COP1: variants seen among roughly 807,000 people sequenced by gnomAD.
The protein encoded by COP1 is E3 ubiquitin-protein ligase COP1.
COP1 carries 24 observed loss-of-function variants against 101.3 expected under a neutral mutation model. The ratio of observed to expected loss-of-function variants is 0.24; its 90% CI spans 0.17 to 0.33. COP1 has a LOEUF of 0.33. COP1 is among the 10% of genes least tolerant of loss of function. The pLI is 1.00. For synonymous variants in COP1, 347 were observed against 341.9 expected, an observed-to-expected ratio of 1.01 and a Z score of -0.17; for missense variants, 663 against 906.2, an observed-to-expected ratio of 0.73 and a Z score of 3.45.
intron 9 of COP1, among the ~76,000 whole-genome samples, chr1:176,115,070 G>C (rs946286034): frequency 2.0e-5 from 3 of 152,198 alleles, no homozygotes; most frequent in African/African-American, 7.2e-5. Flanking sequence ...TAAGTGCTTA[G>C]ACAATCTGGA....
rs990471726 is a variant in COP1 at position 176,206,925 on chromosome 1, G to C, written c.54C>G (p.Ser18=). 6.2e-6 allele frequency: 9 copies of C among 1,462,714 alleles called. No individual in the cohort carries two copies. The African/African-American group carries it at 1.2e-4, about 19-fold the overall frequency. The allele number at this position is 1,462,714 out of a possible 1,614,324, so 90.6% of individuals were successfully genotyped here. Residue 18 remains serine, a synonymous_variant, in exon 1 of 20, where the codon TCC becomes TCG. Transcript: ENST00000367669. The part of the protein sequence containing the change: ...GSGSAGTSPG[S]SAASSVTSAS... ...CGGAAGTCACCGAGGAGGCCGCCGAGGACCCGGGGCTTGTCCCAGCGGAGC... is the reference window on the plus strand; with the variant it reads ...CGGAAGTCACCGAGGAGGCCGCCGACGACCCGGGGCTTGTCCCAGCGGAGC...
chr1:176,086,318 C>A (rs977886491), intron 9 of COP1, among the ~76,000 whole-genome samples: 1 of 151,604 alleles, frequency 6.6e-6, no homozygotes, highest in Non-Finnish European at 1.5e-5. Context: ...CTCTACCTCC[C>A]AGTTTCTCGA....
rs571956266 is a variant in COP1 at position 176,207,101 on chromosome 1, C to G, written c.-123G>C. 6 of 756,096 alleles carry G rather than the reference C, an allele frequency of 7.9e-6. No homozygotes were observed. The South Asian group carries it at 1.2e-4, about 15-fold the overall frequency. The allele number at this position is 756,096 out of a possible 1,614,324, so 46.8% of individuals were successfully genotyped here. A position where few individuals can be genotyped will look rare whatever the true frequency, so the allele number is the denominator to read the frequency against. On this transcript the variant is annotated 5_prime_UTR_variant, in exon 1 of 20. Coordinates refer to ENST00000367669, the MANE Select transcript of COP1 (RefSeq NM_022457.7). Reference sequence around the variant, plus strand: ...GACGCCCGCCGAGCCGGAGGTGGGGCTGAGGAACAATAAAGTTGCGTTTTT... The same window carrying G: ...GACGCCCGCCGAGCCGGAGGTGGGGGTGAGGAACAATAAAGTTGCGTTTTT...
chr1:176,170,577 A>G (rs1177437855), intron 3 of COP1, among the ~76,000 whole-genome samples: 3 of 152,204 alleles, frequency 2.0e-5, no homozygotes, highest in Admixed American at 6.5e-5. Flanking sequence ...GTCTTACGAT[A>G]TTCAGTAAAT....
At chr1:176,147,656 G>A (rs1464017001) in intron 6 of COP1, among the ~76,000 whole-genome samples, 4 of 152,044 alleles carry the variant, frequency 2.6e-5, no homozygotes, top group Non-Finnish European at 4.4e-5. Context: ...AAAGTTCTAC[G>A]GCATGATTCA....
intron 14 of COP1, among the ~76,000 whole-genome samples, chr1:176,031,946 T>C (rs1037908113): frequency 1.3e-5 from 2 of 152,216 alleles, no homozygotes; most frequent in African/African-American, 4.8e-5. Flanking sequence ...ATTGCTTATC[T>C]ATAATAACAT....
chr1:176,019,766 C>T (rs187145018), intron 15 of COP1, among the ~76,000 whole-genome samples: 22 of 151,600 alleles, frequency 1.5e-4, no homozygotes, highest in African/African-American at 4.8e-4. Context: ...GAGGCTGAGG[C>T]GGGAGAGTCA....
At chr1:176,084,571 C>G (rs1415072438) in intron 10 of COP1, among the ~76,000 whole-genome samples, 1 of 152,164 alleles carries the variant, frequency 6.6e-6, no homozygotes, top group Non-Finnish European at 1.5e-5. Context: ...AATTATTACA[C>G]AAGCACAATA....
rs148950158 is a variant in COP1 at position 176,081,278 on chromosome 1, C to T, written c.1151G>A (p.Arg384Gln). 1.9e-4 allele frequency: 303 copies of T among 1,570,962 alleles called. No individual in the cohort carries two copies. The highest frequency in any genetic ancestry group is 1.4e-3 in the Middle Eastern group (8 of 5,886). The change falls in exon 11 of 20, where the codon CGA becomes CAA. Residue 384 changes from arginine to glutamine, a missense_variant. Transcript: ENST00000367669. ...AAATTCATCCAACTGGCTTGCAGTT[C>T]GACTGTCATCTATATGAAAAAAAAA... Reference protein sequence around the residue: ...TRMSRISDDSRTASQLDEFQE... With the variant: ...TRMSRISDDSQTASQLDEFQE...
intron 14 of COP1, 56 bp downstream of exon 14, chr1:176,043,130 T>G: frequency 9.9e-7 from 1 of 1,012,164 alleles, no homozygotes; most frequent in Non-Finnish European, 1.6e-6. Flanking sequence ...ATGAAAGGAA[T>G]TACAGTTAAG....
At chr1:175,996,673 T>G (rs987580344) in intron 15 of COP1, among the ~76,000 whole-genome samples, 2 of 152,118 alleles carry the variant, frequency 1.3e-5, no homozygotes, top group Non-Finnish European at 2.9e-5. Context: ...ATAAAATATC[T>G]AGGAATCCAA....
intron 9 of COP1, among the ~76,000 whole-genome samples, chr1:176,088,489 T>C (rs974556493): frequency 3.9e-5 from 6 of 152,320 alleles, no homozygotes; most frequent in African/African-American, 1.4e-4. Flanking sequence ...CTCGGTATTG[T>C]GGGATCACAT....
intron 9 of COP1, among the ~76,000 whole-genome samples, chr1:176,102,512 C>G (rs749935145): frequency 2.0e-5 from 3 of 152,200 alleles, no homozygotes; most frequent in African/African-American, 7.2e-5. Flanking sequence ...AACAAACCAT[C>G]TTGCTTCTAA....
At chr1:176,135,163 T>G in intron 7 of COP1, 77 bp from the exon 8 acceptor site, 1 of 923,816 alleles carries the variant, frequency 1.1e-6, no homozygotes, top group Non-Finnish European at 1.7e-6. Flanking sequence ...CATGATATAT[T>G]CCTTTCTATT....
At chr1:176,194,009 A>G (rs888021891) in intron 1 of COP1, among the ~76,000 whole-genome samples, 9 of 152,222 alleles carry the variant, frequency 5.9e-5, no homozygotes, top group African/African-American at 2.2e-4. Context: ...GGAGTAGCAG[A>G]ATGGATCCTA....
chr1:176,174,703 C>T (rs1052217372), intron 3 of COP1, among the ~76,000 whole-genome samples: 7 of 152,150 alleles, frequency 4.6e-5, no homozygotes, highest in African/African-American at 1.7e-4. Context: ...AAAAATCAAA[C>T]TGCCACCAAA....
rs138472118 is a variant in COP1 at position 176,018,145 on chromosome 1, A to G, written c.1729+9427T>C. On this transcript the variant is annotated intron_variant, in intron 15 of 19. Transcript: ENST00000367669. ...CCTTAAAGATGCACTAATGTTAGCT[A>G]TTATTATTTACCCTTTACTTTGTGA... Among the ~76,000 whole-genome samples the G allele has an allele frequency of 2.6e-3, 400 of 152,280 alleles. 3 individuals are homozygous for G. Among genetic ancestry groups the G allele is most frequent in the African/African-American group, 9.2e-3 (382 of 41,564 alleles).
In COP1 at chr1:176,027,751, TA is replaced by T. The variant is rs1393595452; in HGVS notation, c.1613-64del. Reference sequence around the variant, plus strand: ...AGTAATACATTAGTAAATGCTTCTGTAACTTGGGAAAGTTGGCTTATTGCTC... The same window carrying T: ...AGTAATACATTAGTAAATGCTTCTGTACTTGGGAAAGTTGGCTTATTGCTC... On this transcript the variant is annotated intron_variant, in intron 14 of 19. Coordinates refer to ENST00000367669, the MANE Select transcript of COP1 (RefSeq NM_022457.7). 9 of 988,010 alleles carry T rather than the reference TA, an allele frequency of 9.1e-6. No individual in the cohort carries two copies. In the Admixed American group the frequency reaches 1.2e-4, roughly 13 times the overall value. The allele number at this position is 988,010 out of a possible 1,614,324, so 61.2% of individuals were successfully genotyped here. A position where few individuals can be genotyped will look rare whatever the true frequency, so the allele number is the denominator to read the frequency against.
At chr1:176,126,640 G>C (rs954550325) in intron 8 of COP1, among the ~76,000 whole-genome samples, 16 of 152,074 alleles carry the variant, frequency 1.1e-4, no homozygotes, top group African/African-American at 3.6e-4. Flanking sequence ...TTTTAGTACA[G>C]ACGAGGTTTC....
Sources: gnomAD v4.1 joint callset for allele counts (sites outside exome capture counted in the v4.1 genomes callset) on GRCh38, gnomAD v4.1.1 for gene constraint, MANE v1.5 for transcripts, NCBI Gene and HGNC (gene_info 2026-07-23, HGNC 2026-07-21) for gene names.